The following TRIM3 variants were observed in gnomAD, a reference collection of about 807,000 sequenced individuals.
The protein encoded by TRIM3 is tripartite motif containing 3.
TRIM3 carries 13 observed loss-of-function variants against 66.6 expected under a neutral mutation model. The ratio of observed to expected loss-of-function variants is 0.20; its 90% CI spans 0.13 to 0.31. The LOEUF (loss-of-function observed/expected upper bound fraction) is 0.31, where lower values mean the gene tolerates loss of function less well. TRIM3 is among the 10% of genes least tolerant of loss of function. TRIM3 has a pLI of 1.00. For missense variants in TRIM3, 711 were observed against 1,020.4 expected (o/e 0.70, Z 4.13); for synonymous variants, 406 against 411.7 (o/e 0.99, Z 0.17).
At chr11:6,465,438 C>G (rs1391918787) in intron 2 of TRIM3, 127 bp downstream of exon 2, 34 of 1,192,944 alleles carry the variant, frequency 2.9e-5, no homozygotes, top group Non-Finnish European at 4.1e-5. Context: ...CTGCTCTCCT[C>G]CCAGGTAAGC....
In TRIM3 at chr11:6,448,951, C is replaced by T; in HGVS notation, c.*77G>A. 5 of 1,572,844 alleles carry T rather than the reference C, an allele frequency of 3.2e-6. No homozygotes were observed. The highest frequency in any genetic ancestry group is 4.4e-6 in the Non-Finnish European group (5 of 1,147,736). On this transcript the variant is annotated 3_prime_UTR_variant, in exon 12 of 12. Transcript: ENST00000345851. ...CACATTCAGTGCTGCCAGGTCTGGCCCACCTCCCAGCCAGACCCTCTTGTC... is the reference window on the plus strand; with the variant it reads ...CACATTCAGTGCTGCCAGGTCTGGCTCACCTCCCAGCCAGACCCTCTTGTC...
chr11:6,452,568 G>C (rs1208720014), intron 7 of TRIM3: 1 of 151,772 alleles, frequency 6.6e-6, no homozygotes, highest in African/African-American at 2.4e-5. Context: ...GTTTAAACTG[G>C]TCCCACCAAC....
intron 2 of TRIM3, among the ~76,000 whole-genome samples, chr11:6,463,881 A>G (rs11603021): frequency 0.18 from 28,139 of 152,108 alleles, 2,804 homozygotes; most frequent in African/African-American, 0.25. Context: ...ATGGACAGGA[A>G]AACTGAGGCC....
chr11:6,454,423 C>T (rs1024283762), intron 7 of TRIM3, among the ~76,000 whole-genome samples: 1 of 151,872 alleles, frequency 6.6e-6, no homozygotes, highest in Non-Finnish European at 1.5e-5. Flanking sequence ...AGTTCAGCCC[C>T]CTCACCAGGA....
chr11:6,450,736 T>A lies in TRIM3; in HGVS notation c.1871-115A>T. Reference sequence around the variant, plus strand: ...AGGAGAGGGGTGGGGTCTCCAGGACTGAGACAAATTATTTCTGAGATGATA... The same window carrying A: ...AGGAGAGGGGTGGGGTCTCCAGGACAGAGACAAATTATTTCTGAGATGATA... On this transcript the variant is annotated intron_variant, in intron 9 of 11. Coordinates refer to ENST00000345851, the MANE Select transcript of TRIM3 (RefSeq NM_033278.4). The surrounding 1 kb of genome is among the most constrained non-coding windows in gnomAD (Gnocchi z 4.8). The A allele has an allele frequency of 7.1e-7, 1 of 1,409,700 alleles. No individual in the cohort carries two copies. The highest frequency in any genetic ancestry group is 9.9e-7 in the Non-Finnish European group (1 of 1,006,092). The allele number at this position is 1,409,700 out of a possible 1,614,324, so 87.3% of individuals were successfully genotyped here. A position where few individuals can be genotyped will look rare whatever the true frequency, so the allele number is the denominator to read the frequency against.
chr11:6,472,038 C>T (rs773732164), intron 1 of TRIM3, among the ~76,000 whole-genome samples: 40 of 152,208 alleles, frequency 2.6e-4, no homozygotes, highest in Non-Finnish European at 4.4e-4. Context: ...AAGCGAGAAC[C>T]CTGGTAGTCT....
chr11:6,466,592 G>GTTT (rs201616021), intron 1 of TRIM3, among the ~76,000 whole-genome samples: 1 of 116,222 alleles, frequency 8.6e-6, no homozygotes, highest in Admixed American at 8.2e-5. Flanking sequence ...ATTCCTGCTG[G>GTTT]GTTTTTTTTT....
intron 1 of TRIM3, among the ~76,000 whole-genome samples, chr11:6,471,215 A>G (rs1324433140): frequency 6.6e-6 from 1 of 152,238 alleles, no homozygotes; most frequent in Non-Finnish European, 1.5e-5. Flanking sequence ...CACATGAGTT[A>G]CACAGTTGTG....
chr11:6,451,478 G>T (rs572825327), intron 7 of TRIM3, 40 bp from the exon 8 acceptor site: 1 of 1,606,336 alleles, frequency 6.2e-7, no homozygotes, highest in African/African-American at 1.3e-5. Context: ...GGTAGGAGGG[G>T]AGACACTGTG....
chr11:6,453,092 G>A (rs952917633), intron 7 of TRIM3: 1 of 152,198 alleles, frequency 6.6e-6, no homozygotes, highest in Non-Finnish European at 1.5e-5. Flanking sequence ...AGCCTCGCAT[G>A]GCATAAGGAC....
chr11:6,465,953 C>T (rs759078989), intron 1 of TRIM3, among the ~76,000 whole-genome samples: 1 of 152,236 alleles, frequency 6.6e-6, no homozygotes, highest in Non-Finnish European at 1.5e-5. Flanking sequence ...CTGGCTCAGT[C>T]TCTCACCAGC....
intron 1 of TRIM3, among the ~76,000 whole-genome samples, chr11:6,468,622 G>A (rs967550126): frequency 2.6e-5 from 4 of 152,216 alleles, no homozygotes; most frequent in African/African-American, 9.6e-5. Context: ...GGACTGAAGA[G>A]TGCCCACTAG....
chr11:6,456,823 C>T lies in TRIM3; in HGVS notation c.903G>A (p.Glu301=), dbSNP rs1433575643. 6.2e-7 allele frequency: 1 copy of T among 1,613,014 alleles called. No homozygotes were observed. Among genetic ancestry groups the T allele is most frequent in the South Asian group, 1.1e-5 (1 of 91,090 alleles). The change falls in exon 6 of 12, where the codon GAG becomes GAA. Residue 301 remains glutamate, a synonymous_variant. Coordinates refer to ENST00000345851, the MANE Select transcript of TRIM3 (RefSeq NM_033278.4). The surrounding 1 kb of genome is among the most constrained non-coding windows in gnomAD (Gnocchi z 6.4). ...GCACCGATCGCCGCAGACCGTCCACCTCAAGGACCAGTTCCAGCTGTGCAT... is the reference window on the plus strand; with the variant it reads ...GCACCGATCGCCGCAGACCGTCCACTTCAAGGACCAGTTCCAGCTGTGCAT... The part of the protein sequence containing the change: ...HENAQLELVL[E]VDGLRRSVLN...
At chr11:6,462,968 AG>A (rs764715392) in intron 2 of TRIM3, among the ~76,000 whole-genome samples, 6 of 152,192 alleles carry the variant, frequency 3.9e-5, no homozygotes, top group Non-Finnish European at 8.8e-5. Flanking sequence ...GAACTTTGGG[AG>A]GCTGAGGCGG....
In TRIM3 at chr11:6,456,775, G is replaced by A; in HGVS notation, c.951C>T (p.Thr317=). The change falls in exon 6 of 12, where the codon ACC becomes ACT. Residue 317 remains threonine, a synonymous_variant. Transcript: ENST00000345851. The surrounding 1 kb of genome is among the most constrained non-coding windows in gnomAD (Gnocchi z 6.4). ...CCGTTTCGTGTGCAGTGGCGCTCGT[G>A]GTGAGCAGTGCGCCCAGATTGAGCA... The part of the protein sequence containing the change: ...RSVLNLGALL[T]TSATAHETVA... 6.2e-7 allele frequency: 1 copy of A among 1,612,182 alleles called. No individual in the cohort carries two copies. Among genetic ancestry groups the A allele is most frequent in the Non-Finnish European group, 8.5e-7 (1 of 1,179,944 alleles).
chr11:6,459,260 G>A (rs1029633361), intron 2 of TRIM3, among the ~76,000 whole-genome samples: 9 of 152,238 alleles, frequency 5.9e-5, no homozygotes, highest in Non-Finnish European at 1.3e-4. Context: ...GCTGGCTAGA[G>A]ACAAAGTCCA....
chr11:6,452,826 G>C (rs1448026567), intron 7 of TRIM3: 4 of 152,136 alleles, frequency 2.6e-5, no homozygotes, highest in Non-Finnish European at 4.4e-5. Context: ...GAGGCTTTGG[G>C]ATGTCTTGTT....
In TRIM3 at chr11:6,449,789, TC is replaced by T. The variant is rs1849646027; in HGVS notation, c.1942-344del. The stretch of plus-strand genomic sequence containing the variant: ...CCAATGAATTAACACAACTCTTGAT[TC>T]CATCTCAAATCCCTCTCTCAAGTCT... On this transcript the variant is annotated intron_variant, in intron 10 of 11. Transcript: ENST00000345851. This position sits in a 1 kb window ranked among gnomAD's most constrained non-coding sequence, Gnocchi z 5.3. The T allele has an allele frequency of 4.0e-6, 1 of 249,650 alleles. No individual in the cohort carries two copies. Among genetic ancestry groups the T allele is most frequent in the Non-Finnish European group, 7.8e-6 (1 of 128,890 alleles). The allele number at this position is 249,650 out of a possible 1,614,324, so 15.5% of individuals were successfully genotyped here.
chr11:6,465,195 G>C (rs1462514504), intron 2 of TRIM3, among the ~76,000 whole-genome samples: 1 of 152,116 alleles, frequency 6.6e-6, no homozygotes, highest in African/African-American at 2.4e-5. Context: ...AAGCAGGGAA[G>C]GACAGACCTA....
Sources: allele counts gnomAD v4.1 joint callset (sites outside exome capture counted in the v4.1 genomes callset), GRCh38; gene constraint gnomAD v4.1.1; non-coding constraint Gnocchi (gnomAD v3.1); transcripts MANE v1.5; gene names NCBI Gene and HGNC (gene_info 2026-07-23, HGNC 2026-07-21).